RBM25: variants seen among roughly 807,000 people sequenced by gnomAD.
RBM25 encodes RNA-binding protein 25.
Under a neutral mutation model 120.7 loss-of-function variants are expected in RBM25, and 19 were observed. That is an observed-to-expected ratio of 0.16 (90% CI 0.11 to 0.23). The LOEUF (loss-of-function observed/expected upper bound fraction) is 0.23. Among genes scored for constraint, RBM25 ranks in the 10% least tolerant of loss-of-function variants. RBM25 has a pLI of 1.00. For synonymous variants in RBM25, 390 were observed against 326.7 expected (o/e 1.19, Z -2.09); for missense variants, 605 against 1,041.5 (o/e 0.58, Z 5.77).
Position 73,106,099 on chromosome 14 carries a change from C to T in RBM25, c.1377+18C>T, listed in dbSNP as rs362428. On this transcript the variant is annotated intron_variant, in intron 11 of 18. Transcript: ENST00000261973. ...ATCAAGAGGTAAGTTGAGAAAATGC[C>T]TTTATTCTTAAATCTTGGTATCCCT... 7,306 of 1,597,678 alleles carry T rather than the reference C, an allele frequency of 4.6e-3. 249 individuals are homozygous for T. The African/African-American group carries it at 0.077, about 17-fold the overall frequency.
chr14:73,099,616 T>C (rs781325251), intron 8 of RBM25, 51 bp from the exon 9 acceptor site: 1 of 1,587,270 alleles, frequency 6.3e-7, no homozygotes, highest in South Asian at 1.2e-5. Flanking sequence ...ACTGTTTATA[T>C]TGAAGTAGGG....
rs1032304662 is a variant in RBM25, at chr14:73,088,083, A to G, written c.465A>G (p.Lys155=). The part of the protein sequence containing the change: ...RLLHDLQIGE[K]KLLVKVDAKT... ...TACATGACCTGCAAATTGGAGAGAAAAAGCTACTCGTTAAAGTTGATGCAA... is the reference window on the plus strand; with the variant it reads ...TACATGACCTGCAAATTGGAGAGAAGAAGCTACTCGTTAAAGTTGATGCAA... Residue 155 remains lysine, a synonymous_variant, in exon 6 of 19, where the codon AAA becomes AAG. Transcript: ENST00000261973. 3 of 1,614,192 alleles carry G rather than the reference A, an allele frequency of 1.9e-6. No homozygotes were observed. Among genetic ancestry groups the G allele is most frequent in the Non-Finnish European group, 2.5e-6 (3 of 1,180,036 alleles).
intron 1 of RBM25, among the ~76,000 whole-genome samples, chr14:73,064,283 C>T (rs890919532): frequency 6.6e-6 from 1 of 151,560 alleles, no homozygotes; most frequent in African/African-American, 2.4e-5. Flanking sequence ...CATGGCAAAA[C>T]ACATAAACCT....
intron 6 of RBM25, among the ~76,000 whole-genome samples, chr14:73,091,877 CA>C (rs201711931): frequency 6.9e-4 from 101 of 147,196 alleles, no homozygotes; most frequent in Non-Finnish European, 1.1e-3. Context: ...GACTCTGTCT[CA>C]AAAAAAAAGC....
At chr14:73,102,260 G>A (rs1896071672) in intron 9 of RBM25, 2 of 152,198 alleles carry the variant, frequency 1.3e-5, no homozygotes, top group Admixed American at 6.5e-5. Flanking sequence ...CTGAGTTTGT[G>A]TAGAAACCGT....
At chr14:73,093,953 T>TTG (rs1555345319) in intron 6 of RBM25, among the ~76,000 whole-genome samples, 4 of 147,882 alleles carry the variant, frequency 2.7e-5, no homozygotes, top group Middle Eastern at 3.5e-3. Flanking sequence ...GTTTTGTTTT[T>TTG]TTTTTTTTTT....
At chr14:73,103,936 TCTCTCTCTCTCTCACACACACA>T (rs1297587592) in intron 10 of RBM25, among the ~76,000 whole-genome samples, 281 of 50,244 alleles carry the variant, frequency 5.6e-3, no homozygotes, top group African/African-American at 0.017. Flanking sequence ...TCTCTCTCTC[TCTCTCTCTCTCTCACACACACA>T]CACACACACA....
intron 1 of RBM25, among the ~76,000 whole-genome samples, chr14:73,063,371 G>A (rs1186688339): frequency 6.6e-6 from 1 of 150,968 alleles, no homozygotes; most frequent in African/African-American, 2.4e-5. Context: ...GGATGGTCTC[G>A]ATCTCCTGAC....
chr14:73,077,432 T>C lies in RBM25; in HGVS notation c.220T>C (p.Leu74=). 1 of 1,613,954 alleles carries C rather than the reference T, an allele frequency of 6.2e-7. No homozygotes were observed. Among genetic ancestry groups the C allele is most frequent in the Non-Finnish European group, 8.5e-7 (1 of 1,179,852 alleles). Residue 74 remains leucine (L), a synonymous_variant, in exon 4 of 19, where the codon TTA becomes CTA. Coordinates refer to ENST00000261973, the MANE Select transcript of RBM25 (RefSeq NM_021239.3). ...HLGARKDHPG[L]KAKENDENCG... ...GGGCGCAAGAAAGGATCATCCAGGC[T>C]TAAAGGCTAAAGAAAATGATGAAAA...
At chr14:73,083,327 C>T (rs371428978) in intron 4 of RBM25, among the ~76,000 whole-genome samples, 167 bp from the exon 5 acceptor site, 49 of 152,242 alleles carry the variant, frequency 3.2e-4, no homozygotes, top group African/African-American at 1.1e-3. Context: ...TTGTTCATTT[C>T]TTTCATGTGA....
At chr14:73,105,373 A>G (rs1896163218) in intron 10 of RBM25, among the ~76,000 whole-genome samples, 1 of 152,058 alleles carries the variant, frequency 6.6e-6, no homozygotes, top group Non-Finnish European at 1.5e-5. Flanking sequence ...ATACTTATAA[A>G]AGTTCTAACT....
At chr14:73,071,542 C>T in intron 1 of RBM25, 85 bp from the exon 2 acceptor site, 1 of 950,906 alleles carries the variant, frequency 1.1e-6, no homozygotes, top group Non-Finnish European at 1.6e-6. Context: ...TTTGCAGATA[C>T]TCTAAAAATG....
At chr14:73,075,458 C>T (rs1436550248) in intron 2 of RBM25, among the ~76,000 whole-genome samples, 1 of 151,520 alleles carries the variant, frequency 6.6e-6, no homozygotes, top group Non-Finnish European at 1.5e-5. Context: ...TGCGCCCGGC[C>T]CATGATTTTT....
intron 18 of RBM25, among the ~76,000 whole-genome samples, chr14:73,118,914 GCC>G (rs1319277612): frequency 6.6e-6 from 1 of 151,166 alleles, no homozygotes; most frequent in Non-Finnish European, 1.5e-5. Context: ...GATTACAGGT[GCC>G]GGCCACCATG....
intron 1 of RBM25, among the ~76,000 whole-genome samples, chr14:73,069,056 A>G (rs1210145793): frequency 6.6e-6 from 1 of 151,412 alleles, no homozygotes; most frequent in Non-Finnish European, 1.5e-5. Context: ...GACATGTGCT[A>G]CCACACTTGG....
intron 5 of RBM25, among the ~76,000 whole-genome samples, chr14:73,085,545 A>T: frequency 6.6e-6 from 1 of 150,788 alleles, no homozygotes; most frequent in Admixed American, 6.7e-5. Context: ...CCTGGGTTCA[A>T]GTGGTTCTCT....
At chr14:73,097,200 T>C (rs937368285) in intron 7 of RBM25, 100 bp downstream of exon 7, 9 of 641,702 alleles carry the variant, frequency 1.4e-5, no homozygotes, top group Non-Finnish European at 1.7e-5. Context: ...TCTTTTCTTT[T>C]TTTTTTTTTT....
At chr14:73,119,114 T>C (rs1896493742) in intron 18 of RBM25, among the ~76,000 whole-genome samples, 4 of 152,122 alleles carry the variant, frequency 2.6e-5, no homozygotes, top group Admixed American at 1.3e-4. Context: ...GGACAAATTT[T>C]CTTTAAGTCA....
intron 6 of RBM25, among the ~76,000 whole-genome samples, chr14:73,093,445 C>T (rs1566592483): frequency 1.3e-5 from 2 of 152,166 alleles, no homozygotes; most frequent in Non-Finnish European, 2.9e-5. Flanking sequence ...GATAATCTGT[C>T]AGCTTCCTAT....
Sources: allele counts gnomAD v4.1 joint callset (sites outside exome capture counted in the v4.1 genomes callset), GRCh38; gene constraint gnomAD v4.1.1; transcripts MANE v1.5; gene names NCBI Gene and HGNC (gene_info 2026-07-23, HGNC 2026-07-21).